DLGAP1: variants seen among roughly 807,000 people sequenced by gnomAD.
DLGAP1 encodes DLG associated protein 1, also known as disks large-associated protein 1.
Under a neutral mutation model 90.8 loss-of-function variants are expected in DLGAP1, and 11 were observed. The ratio of observed to expected loss-of-function variants is 0.12; its 90% CI spans 0.08 to 0.20. The LOEUF (loss-of-function observed/expected upper bound fraction) is 0.20. Ranked by LOEUF, DLGAP1 falls within the 10% of genes least tolerant of loss-of-function variation. The pLI, the probability that DLGAP1 is intolerant of heterozygous loss-of-function variation, is 1.00. For synonymous variants in DLGAP1, 558 were observed against 540.7 expected (o/e 1.03, Z -0.44); for missense variants, 1,050 against 1,333.8 (o/e 0.79, Z 3.31).
rs3223621 is a variant in DLGAP1, at chr18:3,672,201, GACACACACAC to G, written c.1591+56924_1591+56933del. Among the ~76,000 whole-genome samples the G allele has an allele frequency of 1.1e-3, 164 of 143,586 alleles. 1 individual carries two copies. Among genetic ancestry groups the G allele is most frequent in the African/African-American group, 1.5e-3 (57 of 39,154 alleles). The allele number at this position is 143,586 out of a possible 152,430, so 94.2% of individuals were successfully genotyped here. On this transcript the variant is annotated intron_variant, in intron 7 of 12. Coordinates refer to ENST00000315677, the MANE Select transcript of DLGAP1 (RefSeq NM_004746.4). ...TTACTAATCATTCAACTGCTGATTA[GACACACACAC>G]ACACACACACACACACACACACACA...
At chr18:4,249,268 G>A (rs1349926362) in intron 1 of DLGAP1, among the ~76,000 whole-genome samples, 1 of 151,950 alleles carries the variant, frequency 6.6e-6, no homozygotes, top group Non-Finnish European at 1.5e-5. Context: ...AACACTGCCG[G>A]GCACAAAGTA....
intron 3 of DLGAP1, chr18:3,993,302 G>T (rs1275111006): frequency 6.6e-6 from 1 of 152,090 alleles, no homozygotes; most frequent in African/African-American, 2.4e-5. Context: ...TTAGAAAAAA[G>T]AAAAGAAACA....
intron 3 of DLGAP1, among the ~76,000 whole-genome samples, chr18:3,923,493 G>A (rs1171046861): frequency 1.3e-5 from 2 of 151,976 alleles, no homozygotes; most frequent in Non-Finnish European, 2.9e-5. Flanking sequence ...TGCTTTGTCA[G>A]TCAAGTTTTA....
In DLGAP1 at chr18:3,502,513, T is replaced by C; in HGVS notation, c.2704A>G (p.Met902Val). ...HQLKANNWKQ[M>V]DPLDKKERRA... Reference sequence around the variant, plus strand: ...TCTACCTTCTTGTCAAGAGGATCCATCTGTTTCCAATTATTGGCCTTTAAC... The same window carrying C: ...TCTACCTTCTTGTCAAGAGGATCCACCTGTTTCCAATTATTGGCCTTTAAC... The change falls in exon 12 of 13, where the codon ATG (methionine) becomes GTG (valine). Residue 902 changes from methionine (M) to valine (V), a missense_variant. By Grantham distance (21) the Met-to-Val change is conservative. Around this residue, in one of 2 missense-constraint regions of DLGAP1, gnomAD observed 565 missense variants for 879.7 expected, o/e 0.64. Transcript: ENST00000315677. The C allele has an allele frequency of 6.2e-7, 1 of 1,614,196 alleles. No individual in the cohort carries two copies. The highest frequency in any genetic ancestry group is 8.5e-7 in the Non-Finnish European group (1 of 1,180,024).
intron 1 of DLGAP1, among the ~76,000 whole-genome samples, chr18:4,291,766 G>T (rs1264174520): frequency 6.6e-6 from 1 of 152,066 alleles, no homozygotes; most frequent in African/African-American, 2.4e-5. Context: ...CTACTAAGGT[G>T]CCAATCCTAT....
rs563465459 is a variant in DLGAP1, at chr18:4,169,331, TCC to T, written c.-266-18046_-266-18045del. On this transcript the variant is annotated intron_variant, in intron 1 of 12. Coordinates refer to ENST00000315677, the MANE Select transcript of DLGAP1 (RefSeq NM_004746.4). Reference sequence around the variant, plus strand: ...CACTGTAATTTTCTTAATGTATATTTCCCTAATGAGGATAATAATTTTTGAAA... The same window carrying T: ...CACTGTAATTTTCTTAATGTATATTTCTAATGAGGATAATAATTTTTGAAA... Among the ~76,000 whole-genome samples, 3 of 152,284 alleles carry T rather than the reference TCC, an allele frequency of 2.0e-5. No homozygotes were observed. In the South Asian group the frequency reaches 6.2e-4, roughly 32 times the overall value.
intron 3 of DLGAP1, among the ~76,000 whole-genome samples, chr18:3,990,098 A>G (rs1001935845): frequency 2.0e-5 from 3 of 152,186 alleles, no homozygotes; most frequent in African/African-American, 7.2e-5. Context: ...ATCTAGAACT[A>G]GAAATACCAT....
chr18:3,617,979 G>A (rs748664430), intron 7 of DLGAP1, among the ~76,000 whole-genome samples: 9 of 152,198 alleles, frequency 5.9e-5, no homozygotes, highest in Non-Finnish European at 1.3e-4. Context: ...GGAGGTTGCT[G>A]TGAGCCAAGA....
intron 3 of DLGAP1, among the ~76,000 whole-genome samples, chr18:3,925,997 G>A (rs1266647910): frequency 6.6e-6 from 1 of 152,150 alleles, no homozygotes; most frequent in Non-Finnish European, 1.5e-5. Flanking sequence ...TTAGGAAATA[G>A]GTTTGTTTTC....
rs2080835754 is a variant in DLGAP1, at chr18:4,327,091, TACAAA to T, written c.-267+127910_-267+127914del. Among the ~76,000 whole-genome samples the T allele has an allele frequency of 1.1e-4, 4 of 37,810 alleles. 1 individual carries two copies. The highest frequency in any genetic ancestry group is 8.6e-4 in the East Asian group (1 of 1,168). The allele number at this position is 37,810 out of a possible 152,430, so 24.8% of individuals were successfully genotyped here. ...AATGAAAAAAATGTTAATTAAAGAA[TACAAA>T]TTTACAAATTTTCGATTAGACATAG... On this transcript the variant is annotated intron_variant, in intron 1 of 12. Coordinates refer to ENST00000315677, the MANE Select transcript of DLGAP1 (RefSeq NM_004746.4).
At chr18:3,832,308 T>C (rs536141195) in intron 4 of DLGAP1, among the ~76,000 whole-genome samples, 2 of 152,346 alleles carry the variant, frequency 1.3e-5, no homozygotes, top group South Asian at 4.1e-4. Flanking sequence ...AATGCAGATA[T>C]ATTTCATTTG....
intron 7 of DLGAP1, among the ~76,000 whole-genome samples, chr18:3,719,873 T>C (rs1160014960): frequency 6.6e-6 from 1 of 152,184 alleles, no homozygotes; most frequent in African/African-American, 2.4e-5. Flanking sequence ...GTGGATGAGA[T>C]GGACTCACCA....
chr18:4,221,131 C>T (rs1297756673), intron 1 of DLGAP1, among the ~76,000 whole-genome samples: 8 of 152,178 alleles, frequency 5.3e-5, no homozygotes, highest in Admixed American at 2.6e-4. Context: ...TTTCTCAGAA[C>T]GTATTCTGGT....
intron 1 of DLGAP1, among the ~76,000 whole-genome samples, chr18:4,368,601 A>G (rs114689899): frequency 0.013 from 1,880 of 149,504 alleles, 18 homozygotes; most frequent in African/African-American, 0.029. Context: ...AATTCATATG[A>G]ACCAATTCTT....
intron 3 of DLGAP1, among the ~76,000 whole-genome samples, chr18:3,906,603 T>C (rs941791739): frequency 6.6e-6 from 1 of 152,200 alleles, no homozygotes; most frequent in African/African-American, 2.4e-5. Context: ...TGCTGAAATA[T>C]GAGTGCAGAA....
At chr18:3,990,181 C>T (rs1404908804) in intron 3 of DLGAP1, among the ~76,000 whole-genome samples, 4 of 152,256 alleles carry the variant, frequency 2.6e-5, no homozygotes, top group East Asian at 1.9e-4. Flanking sequence ...GACACATGCA[C>T]GTGTATGTTT....
intron 2 of DLGAP1, among the ~76,000 whole-genome samples, chr18:4,014,400 A>G (rs2074485177): frequency 6.6e-6 from 1 of 152,152 alleles, no homozygotes; most frequent in Admixed American, 6.5e-5. Flanking sequence ...AATAACAAAC[A>G]TAGTGATTTG....
chr18:3,668,304 C>T (rs1247553308), intron 7 of DLGAP1, among the ~76,000 whole-genome samples: 1 of 152,104 alleles, frequency 6.6e-6, no homozygotes, highest in Admixed American at 6.6e-5. Context: ...TCCTTCGTTT[C>T]TTCTTTCCTT....
intron 7 of DLGAP1, among the ~76,000 whole-genome samples, chr18:3,686,474 TCA>T (rs1340307692): frequency 6.6e-6 from 1 of 152,222 alleles, no homozygotes; most frequent in Non-Finnish European, 1.5e-5. Flanking sequence ...ATATTTTTAT[TCA>T]GTTTATATAT....
Sources: gnomAD v4.1 joint callset for allele counts (sites outside exome capture counted in the v4.1 genomes callset) on GRCh38, gnomAD v4.1.1 for gene constraint, gnomAD v4.1.1 regional missense constraint, MANE v1.5 for transcripts, NCBI Gene and HGNC (gene_info 2026-07-23, HGNC 2026-07-21) for gene names.